Variants in CDH23 observed in about 807,000 individuals in gnomAD.
CDH23 encodes the protein cadherin-23.
CDH23 carries 189 observed loss-of-function variants against 317.1 expected under a neutral mutation model. The observed-to-expected ratio is 0.60, with a 90% CI of 0.53 to 0.67. The LOEUF (loss-of-function observed/expected upper bound fraction) is 0.67. Among genes scored for constraint, CDH23 ranks in the 30% least tolerant of loss-of-function variants. The probability of loss-of-function intolerance (pLI) is 0.00; values close to 1 mark genes in which losing one functional copy is unlikely to be tolerated. For synonymous variants in CDH23, 1,839 were observed against 1,876.8 expected (o/e 0.98, Z 0.52); for missense variants, 4,401 against 4,592.4 (o/e 0.96, Z 1.20).
intron 3 of CDH23, among the ~76,000 whole-genome samples, chr10:71,467,069 T>A (rs1396538649): frequency 6.6e-6 from 1 of 152,004 alleles, no homozygotes; most frequent in Admixed American, 6.6e-5. Flanking sequence ...GAGCCAAAGG[T>A]GTTTCTCCGC....
chr10:71,430,279 G>GTCTT (rs899344414), intron 1 of CDH23, among the ~76,000 whole-genome samples: 1 of 151,506 alleles, frequency 6.6e-6, no homozygotes, highest in Non-Finnish European at 1.5e-5. Flanking sequence ...AGCCTCTGCT[G>GTCTT]TCTTTTTGGA....
chr10:71,690,515 G>A lies in CDH23; in HGVS notation c.2107G>A (p.Glu703Lys). The part of the protein sequence containing the change: ...LNATDLDRSR[E>K]YGQESIIYSL... ...TGCCACAGACCTGGACCGCTCCCGG[G>A]AGTACGGCCAGGAGTCCATCATCTA... Residue 703 changes from glutamate (E) to lysine (K), a missense_variant, in exon 20 of 70, where the codon GAG becomes AAG. Glu to Lys is a moderately conservative substitution (Grantham distance 56). This residue lies in a region of CDH23 where 3,068 missense variants were observed against 3,203.3 expected (regional missense o/e 0.96). Transcript: ENST00000224721. The A allele has an allele frequency of 1.2e-6, 2 of 1,611,744 alleles. No individual in the cohort carries two copies. Among genetic ancestry groups the A allele is most frequent in the East Asian group, 2.2e-5 (1 of 44,834 alleles).
intron 1 of CDH23, among the ~76,000 whole-genome samples, chr10:71,425,277 GGAAGAAAGGAAGGAAC>G (rs1849015794): frequency 7.3e-6 from 1 of 136,416 alleles, no homozygotes; most frequent in Non-Finnish European, 1.6e-5. Flanking sequence ...GAGGAAGGAA[GGAAGAAAGGAAGGAAC>G]GAAGGAGGAG....
chr10:71,751,904 G>A lies in CDH23; in HGVS notation c.4845+9983G>A, dbSNP rs1311648125. ...TGGAAGGTCATCTGTGCTGTCCGGAGCGTGAACTCTGCCCTCCCTGCCCCC... is the reference window on the plus strand; with the variant it reads ...TGGAAGGTCATCTGTGCTGTCCGGAACGTGAACTCTGCCCTCCCTGCCCCC... On this transcript the variant is annotated intron_variant, in intron 38 of 69. Transcript: ENST00000224721. The surrounding 1 kb of genome is among the most constrained non-coding windows in gnomAD (Gnocchi z 4.9). The A allele has an allele frequency of 1.3e-6, 2 of 1,533,462 alleles. No homozygotes were observed. The highest frequency in any genetic ancestry group is 1.8e-6 in the Non-Finnish European group (2 of 1,133,834). The allele number at this position is 1,533,462 out of a possible 1,614,324, so 95.0% of individuals were successfully genotyped here.
At chr10:71,732,611 C>T (rs1589383120) in intron 32 of CDH23, 13 of 1,395,012 alleles carry the variant, frequency 9.3e-6, no homozygotes, top group Non-Finnish European at 1.2e-5. Flanking sequence ...CCAGCCCGGG[C>T]AACAGAGTGA....
chr10:71,686,300 C>T (rs1282220747), intron 18 of CDH23, among the ~76,000 whole-genome samples: 1 of 151,968 alleles, frequency 6.6e-6, no homozygotes, highest in East Asian at 1.9e-4. Context: ...CGCACCCGCA[C>T]CAGGGACAGG....
In CDH23 at chr10:71,813,204, G is replaced by GGGA. The variant is rs1842001435; in HGVS notation, c.9634-37_9634-35dup. 5 of 1,532,568 alleles carry GGGA rather than the reference G, an allele frequency of 3.3e-6. No individual in the cohort carries two copies. The East Asian group carries it at 1.2e-4, about 38-fold the overall frequency. The allele number at this position is 1,532,568 out of a possible 1,614,324, so 94.9% of individuals were successfully genotyped here. A position where few individuals can be genotyped will look rare whatever the true frequency, so the allele number is the denominator to read the frequency against. On this transcript the variant is annotated intron_variant, in intron 68 of 69. Coordinates refer to ENST00000224721, the MANE Select transcript of CDH23 (RefSeq NM_022124.6). The stretch of plus-strand genomic sequence containing the variant: ...AGTGGGCGAGGGGCGGGGCAGGCAG[G>GGGA]GGAGGGCCTTGGTGGGGGTTAACCC...
intron 19 of CDH23, among the ~76,000 whole-genome samples, chr10:71,688,368 AGAGTCATGGATGGTG>A (rs1477593119): frequency 1.3e-5 from 2 of 152,270 alleles, no homozygotes; most frequent in Admixed American, 6.5e-5. Flanking sequence ...CAGGGACAGT[AGAGTCATGGATGGTG>A]GAGTCATGGA....
rs1475509309 is a variant in CDH23 at position 71,806,298 on chromosome 10, C to A, written c.8178+17C>A. 2 of 1,524,022 alleles carry A rather than the reference C, an allele frequency of 1.3e-6. No homozygotes were observed. Among genetic ancestry groups the A allele is most frequent in the Non-Finnish European group, 1.8e-6 (2 of 1,126,000 alleles). 94.4% of individuals were successfully genotyped at this position (1,524,022 alleles called of 1,614,324 possible). ...AGGCCTCCAGTGAGCTTGCCCACCT[C>A]CTGCGCTGGTCACACCCACACAGGG... On this transcript the variant is annotated intron_variant, in intron 57 of 69. Coordinates refer to ENST00000224721, the MANE Select transcript of CDH23 (RefSeq NM_022124.6).
intron 11 of CDH23, among the ~76,000 whole-genome samples, chr10:71,631,006 G>A (rs1861988578): frequency 6.6e-6 from 1 of 152,212 alleles, no homozygotes; most frequent in East Asian, 1.9e-4. Flanking sequence ...CACTTTGGGA[G>A]GCCAAGGCAG....
chr10:71,717,501 C>T (rs552551128), intron 28 of CDH23: 22 of 152,380 alleles, frequency 1.4e-4, no homozygotes, highest in African/African-American at 4.8e-4. Flanking sequence ...AAGATCATCC[C>T]ATTAGACGCA....
At chr10:71,765,487 G>T (rs926804314) in intron 38 of CDH23, among the ~76,000 whole-genome samples, 2 of 152,156 alleles carry the variant, frequency 1.3e-5, no homozygotes, top group African/African-American at 2.4e-5. Context: ...CGTGGTTGTT[G>T]GCCTGAGTGT....
intron 6 of CDH23, among the ~76,000 whole-genome samples, chr10:71,549,978 C>G (rs903317485): frequency 1.3e-5 from 2 of 152,128 alleles, no homozygotes; most frequent in African/African-American, 2.4e-5. Flanking sequence ...GTTTATCTAG[C>G]TATCCCTGCC....
chr10:71,708,057 C>T (rs536678362), intron 26 of CDH23, among the ~76,000 whole-genome samples: 1 of 152,202 alleles, frequency 6.6e-6, no homozygotes, highest in Non-Finnish European at 1.5e-5. Context: ...ACTAAGACCC[C>T]TCACATGGCA....
Position 71,799,193 on chromosome 10 carries a change from C to T in CDH23, c.7137C>T (p.Ser2379=). Residue 2379 remains serine, a synonymous_variant, in exon 51 of 70, where the codon TCC becomes TCT. Coordinates refer to ENST00000224721, the MANE Select transcript of CDH23 (RefSeq NM_022124.6). Reference sequence around the variant, plus strand: ...CCGTGAGGGCCTCAGACAACGGGTCCCCGCCCCGGGCAGCTGAGATCCCTG... The same window carrying T: ...CCGTGAGGGCCTCAGACAACGGGTCTCCGCCCCGGGCAGCTGAGATCCCTG... ...NFTVRASDNG[S]PPRAAEIPVY... is the part of the protein sequence containing the mutation. 5 of 1,614,036 alleles carry T rather than the reference C, an allele frequency of 3.1e-6. No homozygotes were observed. Among genetic ancestry groups the T allele is most frequent in the Non-Finnish European group, 4.2e-6 (5 of 1,179,886 alleles).
Position 71,595,304 on chromosome 10 carries a change from T to G in CDH23, c.832+17312T>G, listed in dbSNP as rs146665447. 3.3e-4 allele frequency among the ~76,000 whole-genome samples: 51 copies of G among 152,292 alleles called. No homozygotes were observed. In the East Asian group the frequency reaches 9.6e-3, roughly 29 times the overall value. On this transcript the variant is annotated intron_variant, in intron 9 of 69. Coordinates refer to ENST00000224721, the MANE Select transcript of CDH23 (RefSeq NM_022124.6). ...TCTAATTAGTCTGCCCGTTCCCCTCTTTTCCATCTTAGCGATCTTTCTGTA... is the reference window on the plus strand; with the variant it reads ...TCTAATTAGTCTGCCCGTTCCCCTCGTTTCCATCTTAGCGATCTTTCTGTA...
chr10:71,627,866 C>G (rs938947171), intron 11 of CDH23, among the ~76,000 whole-genome samples: 1 of 152,306 alleles, frequency 6.6e-6, no homozygotes, highest in African/African-American at 2.4e-5. Flanking sequence ...CCTGAAGACC[C>G]CAATGGGAAT....
At position 71,793,536 on chromosome 10, in the gene CDH23, T is replaced by C. The variant is rs1268080462; in HGVS notation, c.6608T>C (p.Leu2203Pro). The C allele has an allele frequency of 1.9e-6, 3 of 1,613,642 alleles. No individual in the cohort carries two copies. Among genetic ancestry groups the C allele is most frequent in the African/African-American group, 2.7e-5 (2 of 74,882 alleles). Residue 2203 changes from leucine (L) to proline (P), a missense_variant, in exon 48 of 70, where the codon CTC becomes CCC. This residue lies in a region of CDH23 where 3,068 missense variants were observed against 3,203.3 expected (regional missense o/e 0.96). Coordinates refer to ENST00000224721, the MANE Select transcript of CDH23 (RefSeq NM_022124.6). ...AATATCACGGCCATTGACCACGACCTCAACCCAAAGCTAGAGTACCACATT... is the reference window on the plus strand; with the variant it reads ...AATATCACGGCCATTGACCACGACCCCAACCCAAAGCTAGAGTACCACATT... ...IANITAIDHD[L>P]NPKLEYHIVG...
chr10:71,754,020 C>T (rs76670590), intron 38 of CDH23, among the ~76,000 whole-genome samples: 10,318 of 152,292 alleles, frequency 0.068, 393 homozygotes, highest in South Asian at 0.091. Flanking sequence ...CTGTTGGCCT[C>T]TCCAGCAAAC....
Sources: allele counts gnomAD v4.1 joint callset (sites outside exome capture counted in the v4.1 genomes callset), GRCh38; gene constraint gnomAD v4.1.1; regional missense constraint gnomAD v4.1.1; non-coding constraint Gnocchi (gnomAD v3.1); transcripts MANE v1.5; gene names NCBI Gene and HGNC (gene_info 2026-07-23, HGNC 2026-07-21).